The following CPEB1 variants were observed in gnomAD, a reference collection of about 807,000 sequenced individuals.
CPEB1 encodes cytoplasmic polyadenylation element binding protein 1.
A neutral mutation model predicts 65.8 loss-of-function variants in CPEB1; 7 were observed. The observed-to-expected ratio is 0.11, with a 90% CI of 0.06 to 0.20. The LOEUF is 0.20. Among genes scored for constraint, CPEB1 ranks in the 10% least tolerant of loss-of-function variants. The pLI is 1.00. For missense variants in CPEB1, 551 were observed against 712.2 expected (o/e 0.77, Z 2.58); for synonymous variants, 262 against 260.0 (o/e 1.01, Z -0.08).
At chr15:82,593,788 G>C (rs1479871196) in intron 3 of CPEB1, among the ~76,000 whole-genome samples, 1 of 152,188 alleles carries the variant, frequency 6.6e-6, no homozygotes, top group Non-Finnish European at 1.5e-5. Context: ...AACTGATCTT[G>C]TGTCAGCAGG....
intron 3 of CPEB1, among the ~76,000 whole-genome samples, chr15:82,613,593 GCTGGTCTCTAACCACCTCAACCTC>G: frequency 6.6e-6 from 1 of 152,068 alleles, no homozygotes; most frequent in East Asian, 1.9e-4. Context: ...CATTGCCCAG[GCTGGTCTCTAACCACCTCAACCTC>G]CCCAAGTGCT....
At chr15:82,592,607 A>T (rs1401414950) in intron 3 of CPEB1, among the ~76,000 whole-genome samples, 3 of 151,378 alleles carry the variant, frequency 2.0e-5, no homozygotes, top group African/African-American at 7.3e-5. Context: ...TAATTTTTGT[A>T]TTATAGTCTA....
chr15:82,615,889 T>C (rs2044662562), intron 3 of CPEB1, among the ~76,000 whole-genome samples: 1 of 152,056 alleles, frequency 6.6e-6, no homozygotes. Context: ...TAAACAAGGA[T>C]GTTCACCAAA....
chr15:82,618,767 A>G (rs1279961784), intron 3 of CPEB1, among the ~76,000 whole-genome samples: 2 of 152,232 alleles, frequency 1.3e-5, no homozygotes, highest in African/African-American at 4.8e-5. Context: ...ATAAACTTAA[A>G]GAATCTGCAA....
intron 3 of CPEB1, among the ~76,000 whole-genome samples, chr15:82,579,435 CA>C (rs373653988): frequency 2.2e-3 from 342 of 152,212 alleles, no homozygotes; most frequent in African/African-American, 7.9e-3. Flanking sequence ...AAACAAAAAA[CA>C]AAACAAGCAT....
intron 4 of CPEB1, among the ~76,000 whole-genome samples, chr15:82,564,559 C>T (rs1312259854): frequency 1.3e-5 from 2 of 152,152 alleles, no homozygotes; most frequent in South Asian, 2.1e-4. Context: ...TCCCAAAGGG[C>T]TGGAATTACA....
chr15:82,578,445 A>G (rs1026810193), intron 3 of CPEB1, among the ~76,000 whole-genome samples: 1 of 152,166 alleles, frequency 6.6e-6, no homozygotes, highest in African/African-American at 2.4e-5. Context: ...AACCTATGGA[A>G]ACAAAATGTA....
chr15:82,545,321 A>T (rs1429163225), intron 12 of CPEB1, among the ~76,000 whole-genome samples: 2 of 152,202 alleles, frequency 1.3e-5, no homozygotes, highest in East Asian at 3.8e-4. Flanking sequence ...ACTTAACTTC[A>T]AACTCTCACT....
chr15:82,553,217 C>A (rs918657243), intron 8 of CPEB1, among the ~76,000 whole-genome samples: 3 of 152,096 alleles, frequency 2.0e-5, no homozygotes, highest in Non-Finnish European at 4.4e-5. Flanking sequence ...GAGAAGTGTA[C>A]AAGGAAGGGG....
At chr15:82,575,217 G>C (rs57524402) in intron 3 of CPEB1, among the ~76,000 whole-genome samples, 1,600 of 152,256 alleles carry the variant, frequency 0.011, 32 homozygotes, top group African/African-American at 0.036. Context: ...CAGACTTAAA[G>C]CAATTCATTG....
chr15:82,647,494 T>G, upstream of CPEB1: 3 of 202,836 alleles, frequency 1.5e-5, no homozygotes, highest in Non-Finnish European at 3.0e-5. Flanking sequence ...GCGACGGCAG[T>G]GTGAGAAAGA....
chr15:82,600,427 G>T lies in CPEB1; in HGVS notation c.271+26766C>A, dbSNP rs546050457. ...TATGCTCCTTGAGCAGAAGGAAAGT[G>T]AACCCACATGGAAGAGAAATTCAGA... is the stretch of plus-strand genomic sequence containing the variant. On this transcript the variant is annotated intron_variant, in intron 3 of 12. Coordinates refer to ENST00000684509, the MANE Select transcript of CPEB1 (RefSeq NM_001365242.1). 3.3e-5 allele frequency among the ~76,000 whole-genome samples: 5 copies of T among 152,030 alleles called. No individual in the cohort carries two copies. The East Asian group carries it at 9.6e-4, about 29-fold the overall frequency.
chr15:82,621,369 C>T (rs1414979808), intron 3 of CPEB1, among the ~76,000 whole-genome samples: 1 of 151,738 alleles, frequency 6.6e-6, no homozygotes, highest in Non-Finnish European at 1.5e-5. Flanking sequence ...CGCCTGTAAT[C>T]CCAGCACTTT....
chr15:82,635,986 C>T (rs2046626923), intron 1 of CPEB1, among the ~76,000 whole-genome samples: 1 of 152,176 alleles, frequency 6.6e-6, no homozygotes, highest in Non-Finnish European at 1.5e-5. Context: ...CAGGTCCTAA[C>T]CTCCTTCCTG....
chr15:82,576,387 G>C (rs1313234193), intron 3 of CPEB1, among the ~76,000 whole-genome samples: 1 of 152,190 alleles, frequency 6.6e-6, no homozygotes, highest in African/African-American at 2.4e-5. Context: ...ACATCAGTCA[G>C]AATGGATCTA....
chr15:82,644,423 C>T (rs2047336049), intron 1 of CPEB1, among the ~76,000 whole-genome samples: 1 of 152,238 alleles, frequency 6.6e-6, no homozygotes, highest in Non-Finnish European at 1.5e-5. Context: ...TTTCTAAAGC[C>T]TGTTTCCTTT....
chr15:82,601,768 T>C (rs2043138700), intron 3 of CPEB1, among the ~76,000 whole-genome samples: 1 of 151,126 alleles, frequency 6.6e-6, no homozygotes, highest in South Asian at 2.2e-4. Context: ...GGCAAAAACA[T>C]GAGAAAGAAA....
intron 3 of CPEB1, among the ~76,000 whole-genome samples, chr15:82,607,948 G>A (rs2043779184): frequency 6.6e-6 from 1 of 152,152 alleles, no homozygotes; most frequent in Admixed American, 6.5e-5. Context: ...TACATGCTTA[G>A]AACCAGTAAG....
At chr15:82,591,503 G>T (rs2042247228) in intron 3 of CPEB1, among the ~76,000 whole-genome samples, 3 of 152,162 alleles carry the variant, frequency 2.0e-5, no homozygotes, top group Non-Finnish European at 4.4e-5. Context: ...CTGACCTCAG[G>T]TGATCCGCCC....
Sources: allele counts gnomAD v4.1 joint callset (sites outside exome capture counted in the v4.1 genomes callset), GRCh38; gene constraint gnomAD v4.1.1; transcripts MANE v1.5; gene names NCBI Gene and HGNC (gene_info 2026-07-23, HGNC 2026-07-21).